NPRL3: variants seen among roughly 807,000 people sequenced by gnomAD.
NPRL3 encodes the protein NPR3 like, GATOR1 complex subunit.
Under a neutral mutation model 57.2 loss-of-function variants are expected in NPRL3, and 23 were observed. The observed-to-expected ratio is 0.40, with a 90% CI of 0.29 to 0.57. The LOEUF (loss-of-function observed/expected upper bound fraction) is 0.57, where lower values mean the gene tolerates loss of function less well. Among genes scored for constraint, NPRL3 ranks in the 20% least tolerant of loss-of-function variants. NPRL3 has a pLI of 0.42. For synonymous variants in NPRL3, 333 were observed against 321.1 expected, an observed-to-expected ratio of 1.04 and a Z score of -0.39; for missense variants, 691 against 767.1, an observed-to-expected ratio of 0.90 and a Z score of 1.17.
chr16:138,646 G>C lies in NPRL3; in HGVS notation c.-72C>G, dbSNP rs1901261409. ...AGCAGCGCCACAGTTACCAACCCAC[G>C]TGCCACGCTCCGGGCTCGCGAGACT... On this transcript the variant is annotated 5_prime_UTR_variant, in exon 1 of 14. Coordinates refer to ENST00000611875, the MANE Select transcript of NPRL3 (RefSeq NM_001077350.3). 1 of 198,100 alleles carries C rather than the reference G, an allele frequency of 5.0e-6. No homozygotes were observed. The highest frequency in any genetic ancestry group is 1.1e-5 in the Non-Finnish European group (1 of 94,854). 12.3% of individuals were successfully genotyped at this position (198,100 alleles called of 1,614,324 possible).
intron 7 of NPRL3, among the ~76,000 whole-genome samples, chr16:102,567 T>C (rs1899345513): frequency 6.6e-6 from 1 of 152,324 alleles, no homozygotes; most frequent in East Asian, 1.9e-4. Context: ...CTCTGTTCAC[T>C]GCCCCACTGC....
chr16:102,761 G>A lies in NPRL3; in HGVS notation c.630-2252C>T, dbSNP rs567507969. Among the ~76,000 whole-genome samples, 35 of 152,320 alleles carry A rather than the reference G, an allele frequency of 2.3e-4. 2 individuals carry two copies. In the South Asian group the frequency reaches 6.8e-3, roughly 30 times the overall value. On this transcript the variant is annotated intron_variant, in intron 7 of 13. Transcript: ENST00000611875. ...GCCCCTCGGACGTCTCTTAGGACAC[G>A]TCAATACGGGGTGCTCAGAGAACAC...
At chr16:111,610 C>T (rs1236523262) in intron 6 of NPRL3, among the ~76,000 whole-genome samples, 4 of 151,854 alleles carry the variant, frequency 2.6e-5, no homozygotes, top group East Asian at 3.9e-4. Context: ...TGACCATGCC[C>T]GGCTAATTTT....
At chr16:136,644 C>G (rs1901097452) in intron 2 of NPRL3, among the ~76,000 whole-genome samples, 1 of 148,838 alleles carries the variant, frequency 6.7e-6, no homozygotes, top group South Asian at 2.1e-4. Context: ...GAGCCGAGAT[C>G]ACGCCACTGC....
chr16:127,791 A>G (rs1417372269), intron 3 of NPRL3, among the ~76,000 whole-genome samples: 1 of 151,188 alleles, frequency 6.6e-6, no homozygotes, highest in East Asian at 2.0e-4. Flanking sequence ...AGTAGCTGGG[A>G]CTACAGGCGC....
intron 10 of NPRL3, 103 bp downstream of exon 10, chr16:93,116 G>A: frequency 3.8e-6 from 3 of 795,720 alleles, no homozygotes; most frequent in Non-Finnish European, 6.4e-6. Flanking sequence ...GGCTTCCACA[G>A]CCTTTGGTGC....
At chr16:97,031 C>A (rs1211874001) in intron 9 of NPRL3, among the ~76,000 whole-genome samples, 2 of 152,248 alleles carry the variant, frequency 1.3e-5, no homozygotes, top group Non-Finnish European at 2.9e-5. Flanking sequence ...GGCGGGCCCA[C>A]CTCACGCCTG....
chr16:92,450 C>T (rs879895551), intron 11 of NPRL3, 146 bp downstream of exon 11: 19 of 1,005,508 alleles, frequency 1.9e-5, no homozygotes, highest in East Asian at 2.7e-5. Context: ...CTGCTGGGCA[C>T]GTAGCACTTG....
At chr16:88,353 A>C (rs1006422039) in intron 13 of NPRL3, among the ~76,000 whole-genome samples, 1 of 148,194 alleles carries the variant, frequency 6.7e-6, no homozygotes, top group Non-Finnish European at 1.5e-5. Flanking sequence ...TGCAGTCCGC[A>C]GTCCGGCCTG....
At position 128,379 on chromosome 16, in the gene NPRL3, G is replaced by A. The variant is rs531538599; in HGVS notation, c.188+2143C>T. The stretch of plus-strand genomic sequence containing the variant: ...TCCTCACTTTTCTAAGGCAGGCCAC[G>A]ACCACTCACAAGTCACTGTGTAGCC... On this transcript the variant is annotated intron_variant, in intron 3 of 13. Transcript: ENST00000611875. 2.6e-4 allele frequency among the ~76,000 whole-genome samples: 39 copies of A among 152,314 alleles called. 1 individual carries two copies. The South Asian group carries it at 7.0e-3, about 28-fold the overall frequency.
chr16:112,793 T>TACAC lies in NPRL3; in HGVS notation c.394-22_394-19dup. The TACAC allele has an allele frequency of 6.4e-7, 1 of 1,569,168 alleles. No homozygotes were observed. Among genetic ancestry groups the TACAC allele is most frequent in the Non-Finnish European group, 8.7e-7 (1 of 1,148,732 alleles). On this transcript the variant is annotated intron_variant, in intron 5 of 13. Transcript: ENST00000611875. Reference sequence around the variant, plus strand: ...GCGTTGGCCTGCAGGAGAGAGACCATACACAGACTCAAACGTGTGCACAGG... The same window carrying TACAC: ...GCGTTGGCCTGCAGGAGAGAGACCATACACACACAGACTCAAACGTGTGCACAGG...
intron 3 of NPRL3, chr16:125,648 A>G (rs1299028434): frequency 6.6e-6 from 1 of 152,272 alleles, no homozygotes; most frequent in East Asian, 1.9e-4. Flanking sequence ...AAGATCACAC[A>G]CCGAAGGCTG....
At chr16:93,798 T>C (rs113068132) in intron 9 of NPRL3, among the ~76,000 whole-genome samples, 3,830 of 152,294 alleles carry the variant, frequency 0.025, 140 homozygotes, top group African/African-American at 0.087. Flanking sequence ...TCTGACCTCG[T>C]GATCCACCCA....
At chr16:108,455 C>T (rs1899629263) in intron 7 of NPRL3, among the ~76,000 whole-genome samples, 1 of 151,912 alleles carries the variant, frequency 6.6e-6, no homozygotes, top group South Asian at 2.1e-4. Context: ...GGAAACACAA[C>T]ATTACAAATG....
Position 85,649 on chromosome 16 carries a change from G to T in NPRL3, c.*1056C>A. The T allele has an allele frequency of 6.3e-7, 1 of 1,591,118 alleles. No homozygotes were observed. The highest frequency in any genetic ancestry group is 1.1e-5 in the South Asian group (1 of 89,946). On this transcript the variant is annotated 3_prime_UTR_variant, in exon 14 of 14. Transcript: ENST00000611875. ...CCTGGAGCCCAGTGAGCCGGCTGTAGTGGCAGCAGCCCGGGTGGGCGTCGG... is the reference window on the plus strand; with the variant it reads ...CCTGGAGCCCAGTGAGCCGGCTGTATTGGCAGCAGCCCGGGTGGGCGTCGG...
intron 10 of NPRL3, 183 bp downstream of exon 10, chr16:93,036 G>C (rs554020270): frequency 1.6e-6 from 1 of 628,630 alleles, no homozygotes; most frequent in African/African-American, 1.8e-5. Flanking sequence ...AGAGCACAGA[G>C]CCAGACCAGA....
chr16:112,227 G>C (rs1174402403), intron 6 of NPRL3, among the ~76,000 whole-genome samples: 2 of 152,226 alleles, frequency 1.3e-5, no homozygotes, highest in South Asian at 4.1e-4. Flanking sequence ...TGGGAAGAAA[G>C]AACATTTCTG....
At chr16:89,062 C>T (rs752725209) in intron 12 of NPRL3, 172 bp from the exon 13 acceptor site, 6 of 633,358 alleles carry the variant, frequency 9.5e-6, no homozygotes, top group Non-Finnish European at 1.7e-5. Flanking sequence ...TGACACGCCC[C>T]TCATACGGCT....
At chr16:130,777 G>C (rs1900754544) in intron 2 of NPRL3, among the ~76,000 whole-genome samples, 186 bp from the exon 3 acceptor site, 1 of 152,206 alleles carries the variant, frequency 6.6e-6, no homozygotes, top group African/African-American at 2.4e-5. Context: ...ATAAGCCAGA[G>C]ACAAAAGAAC....
Sources: gnomAD v4.1 joint callset for allele counts (sites outside exome capture counted in the v4.1 genomes callset) on GRCh38, gnomAD v4.1.1 for gene constraint, MANE v1.5 for transcripts, NCBI Gene and HGNC (gene_info 2026-07-23, HGNC 2026-07-21) for gene names.